The following ANKRD28 variants were observed in gnomAD, a reference collection of about 807,000 sequenced individuals.
ANKRD28 encodes the protein ankyrin repeat domain 28.
In ANKRD28, 44 loss-of-function variants were observed where a neutral mutation model predicts 126.5. That is an observed-to-expected ratio of 0.35 (90% CI 0.27 to 0.45). The LOEUF (loss-of-function observed/expected upper bound fraction) is 0.45, where lower values mean the gene tolerates loss of function less well. Among genes scored for constraint, ANKRD28 ranks in the 20% least tolerant of loss-of-function variants. ANKRD28 has a pLI of 1.00. For synonymous variants in ANKRD28, 442 were observed against 468.5 expected (o/e 0.94, Z 0.73); for missense variants, 1,110 against 1,316.6 (o/e 0.84, Z 2.43).
At chr3:15,786,480 G>A (rs1022633535) in intron 2 of ANKRD28, among the ~76,000 whole-genome samples, 1 of 152,036 alleles carries the variant, frequency 6.6e-6, no homozygotes, top group African/African-American at 2.4e-5. Flanking sequence ...GAGGGAGGAA[G>A]GGATTTCCAA....
intron 9 of ANKRD28, 132 bp downstream of exon 9, chr3:15,714,446 C>A: frequency 1.5e-6 from 1 of 661,986 alleles, no homozygotes; most frequent in Non-Finnish European, 2.5e-6. Flanking sequence ...TTTTCATGAG[C>A]TCTGAAATCA....
At chr3:15,859,627 G>A in exon 1 of ANKRD28, 1 of 171,018 alleles carries the variant, frequency 5.8e-6, no homozygotes, top group Non-Finnish European at 1.2e-5. Context: ...GAGGTGCCCG[G>A]CCGGTCCCGC....
At chr3:15,762,214 CAAAACAAAA>C (rs2058514358) in intron 3 of ANKRD28, among the ~76,000 whole-genome samples, 1 of 52,564 alleles carries the variant, frequency 1.9e-5, no homozygotes, top group South Asian at 5.0e-4. Context: ...AAAAAAAAAA[CAAAACAAAA>C]AAAAAAAAAC....
At chr3:15,828,327 C>T (rs773612085) in intron 1 of ANKRD28, among the ~76,000 whole-genome samples, 9 of 152,036 alleles carry the variant, frequency 5.9e-5, no homozygotes, top group African/African-American at 9.7e-5. Context: ...TAGGGCTGGA[C>T]GCGGTGGCTC....
chr3:15,832,139 AGACATTT>A (rs2061216553), intron 1 of ANKRD28, among the ~76,000 whole-genome samples: 1 of 152,206 alleles, frequency 6.6e-6, no homozygotes, highest in African/African-American at 2.4e-5. Flanking sequence ...CAGTAGAGTG[AGACATTT>A]CATAAACATA....
At chr3:15,674,031 G>GC (rs960616972) in intron 27 of ANKRD28, among the ~76,000 whole-genome samples, 1 of 151,436 alleles carries the variant, frequency 6.6e-6, no homozygotes, top group African/African-American at 2.4e-5. Context: ...AATTAGCTAG[G>GC]CCTGGTGATG....
At chr3:15,674,588 G>C (rs1409233405) in intron 27 of ANKRD28, among the ~76,000 whole-genome samples, 2 of 152,146 alleles carry the variant, frequency 1.3e-5, no homozygotes, top group African/African-American at 2.4e-5. Context: ...GTCTGGGCTG[G>C]AGATATAAAT....
At chr3:15,798,482 A>G (rs370740422), upstream of ANKRD28, among the ~76,000 whole-genome samples, 86 of 152,326 alleles carry the variant, frequency 5.6e-4, no homozygotes, top group African/African-American at 1.9e-3. Context: ...AATTTAATCA[A>G]TCATTGATTC....
intron 25 of ANKRD28, 69 bp downstream of exon 25, chr3:15,677,411 A>G (rs1200484277): frequency 9.5e-6 from 11 of 1,162,954 alleles, no homozygotes; most frequent in Non-Finnish European, 1.4e-5. Context: ...CATTTTAGTG[A>G]AGTCAAAAAA....
rs1342457837 is a variant in ANKRD28, at chr3:15,669,398, A to G, written c.*872T>C. ...GTGAAATAGTCTACTTTTTGATTTC[A>G]TGAATTTTTTTCTAGGAAATTCTTT... On this transcript the variant is annotated 3_prime_UTR_variant, in exon 28 of 28. Transcript: ENST00000683139. 1 of 152,128 alleles carries G rather than the reference A, an allele frequency of 6.6e-6. No individual in the cohort carries two copies. The highest frequency in any genetic ancestry group is 1.5e-5 in the Non-Finnish European group (1 of 68,026). The allele number at this position is 152,128 out of a possible 1,614,324, so 9.4% of individuals were successfully genotyped here. A position where few individuals can be genotyped will look rare whatever the true frequency, so the allele number is the denominator to read the frequency against.
rs926860821 is a variant in ANKRD28 at position 15,839,777 on chromosome 3, A to G, written c.27+19600T>C. ...GCAATCAATTAATATGATACATCAT[A>G]TCAACAAAATGAAGGACAAAAACCA... On this transcript the variant is annotated intron_variant, in intron 1 of 27. Transcript: ENST00000399451. This position sits in a 1 kb window ranked among gnomAD's most constrained non-coding sequence, Gnocchi z 4.3. 1.3e-5 allele frequency among the ~76,000 whole-genome samples: 2 copies of G among 152,226 alleles called. No homozygotes were observed. The highest frequency in any genetic ancestry group is 4.8e-5 in the African/African-American group (2 of 41,462).
chr3:15,697,923 C>G (rs1399584832), intron 14 of ANKRD28, among the ~76,000 whole-genome samples: 1 of 152,108 alleles, frequency 6.6e-6, no homozygotes, highest in African/African-American at 2.4e-5. Flanking sequence ...TGTTATTTGT[C>G]TATTCAGAGA....
At chr3:15,774,855 T>C (rs1051989747) in intron 2 of ANKRD28, among the ~76,000 whole-genome samples, 7 of 152,146 alleles carry the variant, frequency 4.6e-5, no homozygotes, top group Admixed American at 3.3e-4. Context: ...AAAAGAAAAG[T>C]AGGCAGGAGA....
intron 1 of ANKRD28, among the ~76,000 whole-genome samples, chr3:15,796,113 C>T (rs1338707582): frequency 6.6e-6 from 1 of 152,028 alleles, no homozygotes; most frequent in South Asian, 2.1e-4. Flanking sequence ...TCTGAAACCA[C>T]AAAATGAAAA....
Position 15,817,335 on chromosome 3 carries a change from G to A in ANKRD28, c.28-22029C>T, listed in dbSNP as rs571534934. Among the ~76,000 whole-genome samples, 5 of 151,078 alleles carry A rather than the reference G, an allele frequency of 3.3e-5. No homozygotes were observed. The highest frequency in any genetic ancestry group is 1.2e-4 in the African/African-American group (5 of 41,100). ...ATTTTATAGGTTATAAACTAACATC[G>A]GCAATTTCATATGGTCCAACCTAAT... On this transcript the variant is annotated intron_variant, in intron 1 of 27. Coordinates refer to the ANKRD28 transcript ENST00000399451. The surrounding 1 kb of genome is among the most constrained non-coding windows in gnomAD (Gnocchi z 4.5).
intron 4 of ANKRD28, among the ~76,000 whole-genome samples, chr3:15,746,589 T>A (rs900738096): frequency 6.6e-6 from 1 of 152,226 alleles, no homozygotes; most frequent in Non-Finnish European, 1.5e-5. Context: ...GATTATCTTT[T>A]TGATATGCTG....
chr3:15,743,350 A>C (rs1300572588), intron 4 of ANKRD28, among the ~76,000 whole-genome samples: 1 of 151,188 alleles, frequency 6.6e-6, no homozygotes, highest in African/African-American at 2.4e-5. Context: ...AAGAATGATC[A>C]ATAAAAAACA....
chr3:15,849,739 A>G (rs921268156), intron 1 of ANKRD28, among the ~76,000 whole-genome samples: 11 of 152,186 alleles, frequency 7.2e-5, no homozygotes, highest in African/African-American at 2.4e-4. Flanking sequence ...TGCCCCAGCC[A>G]GATTTTCTTT....
intron 1 of ANKRD28, among the ~76,000 whole-genome samples, chr3:15,842,966 T>C (rs1032480197): frequency 6.6e-6 from 1 of 152,200 alleles, no homozygotes; most frequent in South Asian, 2.1e-4. Flanking sequence ...GGCTAAATTA[T>C]GTAATGAGTG....
Sources: allele counts gnomAD v4.1 joint callset (sites outside exome capture counted in the v4.1 genomes callset), GRCh38; gene constraint gnomAD v4.1.1; non-coding constraint Gnocchi (gnomAD v3.1); transcripts MANE v1.5; gene names NCBI Gene and HGNC (gene_info 2026-07-23, HGNC 2026-07-21).